THSD7A: variants seen among roughly 807,000 people sequenced by gnomAD.
THSD7A encodes the protein thrombospondin type 1 domain containing 7A, also known as thrombospondin type-1 domain-containing protein 7A.
In THSD7A, 96 loss-of-function variants were observed where a neutral mutation model predicts 231.3. The ratio of observed to expected loss-of-function variants is 0.41; its 90% confidence interval spans 0.35 to 0.49. THSD7A has a LOEUF of 0.49. THSD7A is among the 20% of genes least tolerant of loss of function. The pLI is 0.05. For missense variants in THSD7A, 2,290 were observed against 2,070.2 expected, an observed-to-expected ratio of 1.11 and a Z score of -2.06; for synonymous variants, 940 against 743.3, an observed-to-expected ratio of 1.26 and a Z score of -4.30.
chr7:11,475,149 T>C (rs1011960451), intron 7 of THSD7A, among the ~76,000 whole-genome samples: 7 of 152,164 alleles, frequency 4.6e-5, no homozygotes, highest in African/African-American at 1.4e-4. Flanking sequence ...AATAAGAAAG[T>C]AGACTGGGCT....
At chr7:11,647,891 G>A (rs1460524992) in intron 1 of THSD7A, among the ~76,000 whole-genome samples, 1 of 152,006 alleles carries the variant, frequency 6.6e-6, no homozygotes, top group Admixed American at 6.6e-5. Flanking sequence ...ACCCATCCCT[G>A]ATACAATGGC....
intron 1 of THSD7A, among the ~76,000 whole-genome samples, chr7:11,816,890 C>T (rs893451641): frequency 2.6e-5 from 4 of 151,880 alleles, no homozygotes; most frequent in South Asian, 4.2e-4. Flanking sequence ...TTGCATGTGC[C>T]TGTATATATA....
chr7:11,442,325 AAAAT>A (rs1267273720), intron 13 of THSD7A, among the ~76,000 whole-genome samples: 4 of 152,102 alleles, frequency 2.6e-5, no homozygotes, highest in South Asian at 4.1e-4. Context: ...GAAACAGTCT[AAAAT>A]AATATAATTA....
chr7:11,729,709 C>T (rs1489463421), intron 1 of THSD7A, among the ~76,000 whole-genome samples: 1 of 151,552 alleles, frequency 6.6e-6, no homozygotes, highest in Admixed American at 6.6e-5. Context: ...GGAAAGAAAT[C>T]CATTCATGGC....
At chr7:11,765,486 C>T (rs1323321667) in intron 1 of THSD7A, among the ~76,000 whole-genome samples, 1 of 152,136 alleles carries the variant, frequency 6.6e-6, no homozygotes, top group East Asian at 1.9e-4. Flanking sequence ...ACAAATGTTT[C>T]CTTCCTTGGA....
intron 7 of THSD7A, among the ~76,000 whole-genome samples, chr7:11,476,818 G>GA (rs1332378526): frequency 0.026 from 2,170 of 83,866 alleles, 66 homozygotes; most frequent in African/African-American, 0.075. Flanking sequence ...CCGTCTCAGA[G>GA]AAAAAAAAAA....
At chr7:11,441,390 T>G (rs2128293232) in intron 13 of THSD7A, among the ~76,000 whole-genome samples, 1 of 152,172 alleles carries the variant, frequency 6.6e-6, no homozygotes, top group East Asian at 1.9e-4. Flanking sequence ...ATAGAAATCT[T>G]GTATACATGT....
At chr7:11,442,164 T>A (rs2128293389) in intron 13 of THSD7A, among the ~76,000 whole-genome samples, 1 of 152,148 alleles carries the variant, frequency 6.6e-6, no homozygotes, top group East Asian at 1.9e-4. Context: ...ATGGATGAAC[T>A]TTTATGTGGC....
chr7:11,409,340 G>A (rs556795330), intron 19 of THSD7A, among the ~76,000 whole-genome samples: 1 of 152,288 alleles, frequency 6.6e-6, no homozygotes, highest in South Asian at 2.1e-4. Context: ...ATGCAGGGTT[G>A]CACAGTCGAA....
chr7:11,778,552 A>G (rs549792795), intron 1 of THSD7A, among the ~76,000 whole-genome samples: 19 of 152,302 alleles, frequency 1.2e-4, no homozygotes, highest in African/African-American at 4.6e-4. Flanking sequence ...AGAGTCGAGG[A>G]AGAAGAGAAG....
intron 1 of THSD7A, chr7:11,820,249 T>C (rs1357594556): frequency 7.6e-6 from 3 of 394,810 alleles, no homozygotes; most frequent in Non-Finnish European, 1.4e-5. Flanking sequence ...TTCCTCTGTT[T>C]AGCTCCTCGC....
intron 1 of THSD7A, among the ~76,000 whole-genome samples, chr7:11,757,973 T>G (rs546239297): frequency 6.8e-6 from 1 of 148,072 alleles, no homozygotes; most frequent in Non-Finnish European, 1.5e-5. Flanking sequence ...CTTACTGTTT[T>G]TGAGCACTGT....
intron 1 of THSD7A, among the ~76,000 whole-genome samples, chr7:11,691,077 T>C (rs981152732): frequency 1.3e-5 from 2 of 151,614 alleles, no homozygotes; most frequent in African/African-American, 4.8e-5. Flanking sequence ...ATATGTTAGG[T>C]TTTTGTATCC....
At chr7:11,492,425 G>A (rs936420417) in intron 6 of THSD7A, among the ~76,000 whole-genome samples, 11 of 152,008 alleles carry the variant, frequency 7.2e-5, no homozygotes, top group Non-Finnish European at 2.9e-5. Context: ...AGTCTACTGG[G>A]TAATGGGGAA....
intron 2 of THSD7A, among the ~76,000 whole-genome samples, chr7:11,597,165 C>G (rs145520394): frequency 1.3e-5 from 2 of 152,116 alleles, no homozygotes; most frequent in Admixed American, 6.5e-5. Context: ...GAAATAAATC[C>G]GACTAAAATT....
chr7:11,591,016 G>T (rs1780141660), intron 3 of THSD7A, among the ~76,000 whole-genome samples: 1 of 152,148 alleles, frequency 6.6e-6, no homozygotes, highest in Non-Finnish European at 1.5e-5. Context: ...AACATTCTGA[G>T]TGATGATGAA....
intron 8 of THSD7A, among the ~76,000 whole-genome samples, chr7:11,472,618 A>C (rs1328717383): frequency 6.6e-6 from 1 of 152,296 alleles, no homozygotes; most frequent in Non-Finnish European, 1.5e-5. Context: ...TTAATGAATT[A>C]TTGTGGTAGT....
intron 2 of THSD7A, among the ~76,000 whole-genome samples, chr7:11,630,467 T>G (rs1781612625): frequency 6.6e-6 from 1 of 152,236 alleles, no homozygotes; most frequent in African/African-American, 2.4e-5. Context: ...TTCTAGAGGT[T>G]ATTATAATAT....
At chr7:11,736,802 A>G (rs1262450715) in intron 1 of THSD7A, among the ~76,000 whole-genome samples, 1 of 152,008 alleles carries the variant, frequency 6.6e-6, no homozygotes, top group Non-Finnish European at 1.5e-5. Context: ...TGGTTTGACC[A>G]TGGCCCCACC....
Sources: allele counts gnomAD v4.1 joint callset (sites outside exome capture counted in the v4.1 genomes callset), GRCh38; gene constraint gnomAD v4.1.1; transcripts MANE v1.5; gene names NCBI Gene and HGNC (gene_info 2026-07-23, HGNC 2026-07-21).